APBB2: variants seen among roughly 807,000 people sequenced by gnomAD.
The protein encoded by APBB2 is Fe65-like 1.
A neutral mutation model predicts 82.5 loss-of-function variants in APBB2; 38 were observed. That is an observed-to-expected ratio of 0.46 (90% CI 0.36 to 0.60). The LOEUF is 0.60. APBB2 is among the 20% of genes least tolerant of loss of function. The probability of loss-of-function intolerance (pLI) is 0.00; values close to 1 mark genes in which losing one functional copy is unlikely to be tolerated. For missense variants in APBB2, 772 were observed against 972.3 expected (o/e 0.79, Z 2.74); for synonymous variants, 341 against 368.2 (o/e 0.93, Z 0.85).
chr4:40,893,261 T>A lies in APBB2; in HGVS notation c.1401+4A>T, dbSNP rs528333051. 1 of 1,613,030 alleles carries A rather than the reference T, an allele frequency of 6.2e-7. No homozygotes were observed. The highest frequency in any genetic ancestry group is 8.5e-7 in the Non-Finnish European group (1 of 1,179,598). ...TGCCGTGCATCATTCTACATGCCAC[T>A]TACCTCTCCCCAAATCCCGACTGTG... On this transcript the variant is annotated splice_donor_region_variant and intron_variant, in intron 11 of 17. Transcript: ENST00000508593.
At chr4:40,883,780 C>G (rs1769404524) in intron 12 of APBB2, among the ~76,000 whole-genome samples, 1 of 151,886 alleles carries the variant, frequency 6.6e-6, no homozygotes, top group South Asian at 2.1e-4. Context: ...AAGATCGCCT[C>G]GTTCCATTCT....
chr4:40,997,063 C>T (rs181341883), intron 6 of APBB2, among the ~76,000 whole-genome samples: 1 of 152,296 alleles, frequency 6.6e-6, no homozygotes, highest in Admixed American at 6.5e-5. Flanking sequence ...CTCACCCTCA[C>T]CTATCATGAT....
At chr4:41,102,787 T>G (rs1057259615) in intron 2 of APBB2, among the ~76,000 whole-genome samples, 5 of 152,244 alleles carry the variant, frequency 3.3e-5, no homozygotes, top group Non-Finnish European at 5.9e-5. Context: ...GTCAGGACTT[T>G]TTCGAGTTGA....
chr4:41,001,361 TAAAC>T (rs1330825190), intron 6 of APBB2, among the ~76,000 whole-genome samples: 13 of 152,174 alleles, frequency 8.5e-5, no homozygotes, highest in Admixed American at 6.5e-5. Context: ...GTTCTGGTAA[TAAAC>T]AACACAACAA....
At chr4:40,934,988 A>G (rs1785061662) in intron 8 of APBB2, 89 bp downstream of exon 8, 2 of 1,103,184 alleles carry the variant, frequency 1.8e-6, no homozygotes, top group Admixed American at 2.3e-5. Context: ...TGCAGAATGC[A>G]TGATATTCAC....
At chr4:40,829,128 T>A (rs1231343773) in intron 13 of APBB2, among the ~76,000 whole-genome samples, 4 of 152,108 alleles carry the variant, frequency 2.6e-5, no homozygotes. Flanking sequence ...TGCCAGTGTG[T>A]TGGGGGTTCA....
chr4:40,875,796 T>C (rs1341239143), intron 12 of APBB2, among the ~76,000 whole-genome samples: 1 of 149,686 alleles, frequency 6.7e-6, no homozygotes, highest in Non-Finnish European at 1.5e-5. Flanking sequence ...TTTGCAACTT[T>C]CTGCTAAGAA....
chr4:40,899,795 T>C (rs1369133542), intron 10 of APBB2, among the ~76,000 whole-genome samples: 1 of 152,218 alleles, frequency 6.6e-6, no homozygotes, highest in Non-Finnish European at 1.5e-5. Context: ...AATGAGAGCA[T>C]GCTGTCAGAA....
chr4:41,159,980 A>AGAAGAG (rs1764618752), intron 1 of APBB2, among the ~76,000 whole-genome samples: 1 of 135,464 alleles, frequency 7.4e-6, no homozygotes, highest in Admixed American at 7.1e-5. Flanking sequence ...AAGAAGAAGA[A>AGAAGAG]GAAGAAGAAG....
intron 2 of APBB2, among the ~76,000 whole-genome samples, chr4:41,112,104 C>A (rs1224427860): frequency 3.3e-5 from 5 of 152,154 alleles, no homozygotes; most frequent in African/African-American, 1.2e-4. Flanking sequence ...AAGCATCATT[C>A]ACTGTGCACC....
At chr4:40,825,033 A>G (rs375667030) in intron 15 of APBB2, among the ~76,000 whole-genome samples, 4 of 152,162 alleles carry the variant, frequency 2.6e-5, no homozygotes, top group African/African-American at 7.2e-5. Flanking sequence ...GCTACAGCGC[A>G]CTTCAGTCCT....
In APBB2 at chr4:40,952,693, G is replaced by A. The variant is rs28631599; in HGVS notation, c.836-7620C>T. 7.0e-3 allele frequency among the ~76,000 whole-genome samples: 1,071 copies of A among 152,184 alleles called. 3 individuals carry two copies. Among genetic ancestry groups the A allele is most frequent in the African/African-American group, 0.025 (1,020 of 41,506 alleles). Reference sequence around the variant, plus strand: ...AACAAAGCATGTTTTCATACATATCGCTGCATTTAATGCTCACATCAATCC... The same window carrying A: ...AACAAAGCATGTTTTCATACATATCACTGCATTTAATGCTCACATCAATCC... On this transcript the variant is annotated intron_variant, in intron 6 of 17. Coordinates refer to ENST00000508593, the MANE Select transcript of APBB2 (RefSeq NM_004307.2).
At chr4:41,120,581 T>C (rs1752511098) in intron 2 of APBB2, among the ~76,000 whole-genome samples, 1 of 152,070 alleles carries the variant, frequency 6.6e-6, no homozygotes, top group Middle Eastern at 3.4e-3. Flanking sequence ...GAAAAGGGAG[T>C]TTTCTTTTCC....
intron 1 of APBB2, among the ~76,000 whole-genome samples, chr4:41,184,283 T>C (rs188974630): frequency 2.4e-4 from 37 of 152,204 alleles, no homozygotes; most frequent in African/African-American, 8.4e-4. Context: ...TGGCTGGGGG[T>C]AGAAGACCCC....
chr4:40,886,765 G>A (rs10015922), intron 12 of APBB2, among the ~76,000 whole-genome samples: 5,408 of 152,254 alleles, frequency 0.036, 315 homozygotes, highest in African/African-American at 0.12. Flanking sequence ...ACACACCTGC[G>A]TACGTCCTCC....
intron 3 of APBB2, among the ~76,000 whole-genome samples, chr4:41,090,715 G>C (rs1362150861): frequency 6.6e-6 from 1 of 152,126 alleles, no homozygotes; most frequent in Non-Finnish European, 1.5e-5. Flanking sequence ...CAAAAATTTT[G>C]CCAGAACAGC....
At chr4:40,963,377 G>A (rs2154394597) in intron 6 of APBB2, among the ~76,000 whole-genome samples, 1 of 152,198 alleles carries the variant, frequency 6.6e-6, no homozygotes, top group South Asian at 2.1e-4. Flanking sequence ...TTCCTGAGTG[G>A]CTAGGACCAC....
chr4:41,142,466 T>A (rs1234846478), intron 2 of APBB2, among the ~76,000 whole-genome samples: 2 of 152,134 alleles, frequency 1.3e-5, no homozygotes, highest in Non-Finnish European at 2.9e-5. Flanking sequence ...TGGCTTTTGT[T>A]TGGGGAAAGA....
chr4:41,169,122 T>C (rs1475797446), intron 1 of APBB2, among the ~76,000 whole-genome samples: 1 of 145,478 alleles, frequency 6.9e-6, no homozygotes, highest in Non-Finnish European at 1.5e-5. Context: ...GAGGCAGAGG[T>C]TGCAGTGAGC....
Sources: allele counts gnomAD v4.1 joint callset (sites outside exome capture counted in the v4.1 genomes callset), GRCh38; gene constraint gnomAD v4.1.1; transcripts MANE v1.5; gene names NCBI Gene and HGNC (gene_info 2026-07-23, HGNC 2026-07-21).